Variants in PVT1 observed in about 807,000 individuals in gnomAD.
PVT1 encodes the protein CXCR4/PVT1 fusion.
chr8:127,878,843 G>T (rs894426701), intron 2 of PVT1, among the ~76,000 whole-genome samples: 1 of 152,178 alleles, frequency 6.6e-6, no homozygotes, highest in Non-Finnish European at 1.5e-5. Context: ...CTTCTCACCT[G>T]CAAGGGGGTG....
chr8:128,050,820 T>C (rs1288184394), intron 4 of PVT1, among the ~76,000 whole-genome samples: 1 of 152,250 alleles, frequency 6.6e-6, no homozygotes, highest in Non-Finnish European at 1.5e-5. Context: ...TCTAATTGAC[T>C]ACCCCACTGA....
intron 4 of PVT1, among the ~76,000 whole-genome samples, chr8:128,049,592 AC>A (rs1012624824): frequency 1.1e-4 from 16 of 152,178 alleles, no homozygotes; most frequent in Admixed American, 1.0e-3. Context: ...CAGAAGGCTG[AC>A]CTGTGTGGAT....
At chr8:128,023,793 C>T (rs568071957) in intron 4 of PVT1, among the ~76,000 whole-genome samples, 50 of 152,224 alleles carry the variant, frequency 3.3e-4, no homozygotes, top group African/African-American at 1.1e-3. Context: ...GATTGATCTA[C>T]GGAGTAATTT....
chr8:127,924,857 A>T (rs1816110254), intron 3 of PVT1, among the ~76,000 whole-genome samples: 2 of 151,972 alleles, frequency 1.3e-5, no homozygotes, highest in African/African-American at 4.8e-5. Flanking sequence ...CACGTTGCCC[A>T]GACTGGTCTT....
chr8:127,937,280 T>G (rs1465456347), intron 3 of PVT1, among the ~76,000 whole-genome samples: 1 of 151,440 alleles, frequency 6.6e-6, no homozygotes, highest in Admixed American at 6.6e-5. Context: ...TCTTTTCTTT[T>G]TTTTTTAGAC....
At chr8:128,017,366 T>A (rs2130047181) in intron 4 of PVT1, among the ~76,000 whole-genome samples, 1 of 152,250 alleles carries the variant, frequency 6.6e-6, no homozygotes, top group South Asian at 2.1e-4. Flanking sequence ...ACAGCAAAAA[T>A]TCTGCTGCCC....
At chr8:127,896,886 C>G (rs558907300) in intron 3 of PVT1, among the ~76,000 whole-genome samples, 2 of 151,144 alleles carry the variant, frequency 1.3e-5, no homozygotes, top group Admixed American at 6.6e-5. Context: ...ATTTGTTACT[C>G]TAATGCTAGC....
At chr8:127,923,977 CGG>C (rs1237501432) in intron 3 of PVT1, among the ~76,000 whole-genome samples, 2 of 152,206 alleles carry the variant, frequency 1.3e-5, no homozygotes, top group Non-Finnish European at 2.9e-5. Context: ...AGGAATTGCT[CGG>C]GGCAGGAGAC....
chr8:127,897,583 AAG>A (rs1343220049), intron 3 of PVT1, among the ~76,000 whole-genome samples: 1 of 150,966 alleles, frequency 6.6e-6, no homozygotes, highest in Non-Finnish European at 1.5e-5. Flanking sequence ...GAAAGAAAGA[AAG>A]AAGAGAGGGA....
chr8:128,008,144 G>C (rs1213396502), intron 4 of PVT1, among the ~76,000 whole-genome samples: 1 of 152,202 alleles, frequency 6.6e-6, no homozygotes, highest in African/African-American at 2.4e-5. Flanking sequence ...AGTGGTGCTT[G>C]ATTTATCTAA....
chr8:127,944,873 A>G (rs1816400694), intron 3 of PVT1, among the ~76,000 whole-genome samples: 1 of 152,172 alleles, frequency 6.6e-6, no homozygotes, highest in African/African-American at 2.4e-5. Flanking sequence ...TTTAAGTGGA[A>G]TGAAATTGGT....
In PVT1 at chr8:127,856,056, A is replaced by G. The variant is rs964989717; in HGVS notation, n.373-34533A>G. 2.0e-5 allele frequency among the ~76,000 whole-genome samples: 3 copies of G among 152,350 alleles called. No individual in the cohort carries two copies. The South Asian group carries it at 6.2e-4, about 32-fold the overall frequency. On this transcript the variant is annotated intron_variant and non_coding_transcript_variant, in intron 2 of 10. Coordinates refer to ENST00000651587, the Ensembl canonical transcript of PVT1. ...AAATATTTCTTGTGCCTACATCTTT[A>G]TCAAAAGTAGAGCAAGAAACTTGAG... is the stretch of plus-strand genomic sequence containing the variant.
chr8:127,830,548 C>T (rs754169852), intron 2 of PVT1, among the ~76,000 whole-genome samples: 4 of 151,758 alleles, frequency 2.6e-5, no homozygotes, highest in Non-Finnish European at 4.4e-5. Flanking sequence ...GACTTGCACA[C>T]GGATTGGATA....
chr8:127,931,921 C>T (rs1816210733), intron 3 of PVT1, among the ~76,000 whole-genome samples: 1 of 152,260 alleles, frequency 6.6e-6, no homozygotes, highest in South Asian at 2.1e-4. Context: ...GACAATGCCA[C>T]TTCCTCGCTT....
At chr8:128,082,050 G>A (rs1311425006) in intron 5 of PVT1, among the ~76,000 whole-genome samples, 4 of 152,192 alleles carry the variant, frequency 2.6e-5, no homozygotes, top group Non-Finnish European at 5.9e-5. Flanking sequence ...TCTAATCTGA[G>A]TACAAGGCCA....
chr8:128,079,883 C>T (rs1814152711), intron 5 of PVT1, among the ~76,000 whole-genome samples: 1 of 152,098 alleles, frequency 6.6e-6, no homozygotes, highest in Non-Finnish European at 1.5e-5. Flanking sequence ...CGCCACCATG[C>T]CTGGCTAATT....
At chr8:127,821,786 T>G (rs1179580096) in intron 2 of PVT1, among the ~76,000 whole-genome samples, 1 of 151,528 alleles carries the variant, frequency 6.6e-6, no homozygotes, top group Non-Finnish European at 1.5e-5. Flanking sequence ...AACTCCAGCC[T>G]GGGCGACAGA....
At chr8:127,813,139 T>C (rs1387446878) in intron 2 of PVT1, among the ~76,000 whole-genome samples, 2 of 147,548 alleles carry the variant, frequency 1.4e-5, no homozygotes, top group Non-Finnish European at 3.0e-5. Context: ...TTTGAGACTC[T>C]GTCTCAAAAA....
chr8:127,949,970 C>T (rs183401106), intron 3 of PVT1, among the ~76,000 whole-genome samples: 7 of 152,368 alleles, frequency 4.6e-5, no homozygotes, highest in Admixed American at 3.9e-4. Context: ...CTGAGGCTGT[C>T]CCCTGCCTTC....
Sources: gnomAD v4.1 joint callset for allele counts (sites outside exome capture counted in the v4.1 genomes callset) on GRCh38, gnomAD v4.1.1 for gene constraint, MANE v1.5 for transcripts, NCBI Gene and HGNC (gene_info 2026-07-23, HGNC 2026-07-21) for gene names.